WASF1: variants seen among roughly 807,000 people sequenced by gnomAD.
The protein encoded by WASF1 is actin-binding protein WASF1.
In WASF1, 7 loss-of-function variants were observed where a neutral mutation model predicts 50.5. The observed-to-expected ratio is 0.14, with a 90% CI of 0.08 to 0.26. The LOEUF (loss-of-function observed/expected upper bound fraction) is 0.26. Among genes scored for constraint, WASF1 ranks in the 10% least tolerant of loss-of-function variants. WASF1 has a pLI of 1.00. For synonymous variants in WASF1, 205 were observed against 244.0 expected, an observed-to-expected ratio of 0.84 and a Z score of 1.49; for missense variants, 470 against 694.7, an observed-to-expected ratio of 0.68 and a Z score of 3.64.
chr6:110,172,902 T>A (rs1203086383), intron 2 of WASF1, among the ~76,000 whole-genome samples: 2 of 152,150 alleles, frequency 1.3e-5, no homozygotes, highest in African/African-American at 2.4e-5. Context: ...ACTGTACGTG[T>A]ACCCTCTAAA....
At chr6:110,167,436 G>A (rs556041438) in intron 2 of WASF1, among the ~76,000 whole-genome samples, 61 of 151,922 alleles carry the variant, frequency 4.0e-4, no homozygotes, top group African/African-American at 1.5e-3. Flanking sequence ...AAGATGTGGA[G>A]GTAGAAGACA....
intron 3 of WASF1, among the ~76,000 whole-genome samples, chr6:110,143,872 T>A (rs893671434): frequency 1.3e-5 from 2 of 152,214 alleles, no homozygotes; most frequent in African/African-American, 4.8e-5. Context: ...TTGTTGGACA[T>A]TTGGGTTGGT....
intron 3 of WASF1, among the ~76,000 whole-genome samples, chr6:110,152,199 G>A (rs1004633636): frequency 3.3e-5 from 5 of 152,048 alleles, no homozygotes; most frequent in African/African-American, 7.2e-5. Flanking sequence ...AGCTGACAAC[G>A]GAGAAAGGAG....
intron 3 of WASF1, among the ~76,000 whole-genome samples, chr6:110,146,437 T>G (rs543399001): frequency 1.6e-4 from 24 of 152,024 alleles, no homozygotes. Context: ...CCCATGCCAA[T>G]GACAAAATAC....
chr6:110,136,711 T>A (rs1774984262), intron 3 of WASF1, among the ~76,000 whole-genome samples: 1 of 152,252 alleles, frequency 6.6e-6, no homozygotes, highest in Non-Finnish European at 1.5e-5. Flanking sequence ...GTTTTAAACA[T>A]GTCTCTTCAC....
At chr6:110,166,378 C>A (rs1263837470) in intron 2 of WASF1, among the ~76,000 whole-genome samples, 1 of 151,612 alleles carries the variant, frequency 6.6e-6, no homozygotes, top group African/African-American at 2.4e-5. Flanking sequence ...ATTTTCACAC[C>A]AAAGTACAGT....
intron 2 of WASF1, among the ~76,000 whole-genome samples, chr6:110,176,504 C>T (rs1440914806): frequency 6.6e-6 from 1 of 151,676 alleles, no homozygotes; most frequent in African/African-American, 2.4e-5. Context: ...TTCAAAGAAC[C>T]TTGAAATTCA....
chr6:110,167,516 T>G (rs1776529394), intron 2 of WASF1, among the ~76,000 whole-genome samples: 1 of 151,998 alleles, frequency 6.6e-6, no homozygotes, highest in South Asian at 2.1e-4. Flanking sequence ...CCTTTGCTAG[T>G]GCATCCTTTT....
chr6:110,139,533 T>C (rs1201962860), intron 3 of WASF1, among the ~76,000 whole-genome samples: 2 of 152,252 alleles, frequency 1.3e-5, no homozygotes, highest in African/African-American at 4.8e-5. Flanking sequence ...TGAATGGCTA[T>C]TCCCAGCTTT....
At chr6:110,178,414 C>T (rs1218642379) in intron 2 of WASF1, among the ~76,000 whole-genome samples, 184 bp downstream of exon 2, 2 of 152,032 alleles carry the variant, frequency 1.3e-5, no homozygotes, top group Non-Finnish European at 2.9e-5. Context: ...ACCTACCATG[C>T]AAATTTAAAT....
intron 9 of WASF1, 143 bp from the exon 10 acceptor site, chr6:110,102,359 A>C: frequency 1.2e-6 from 1 of 841,072 alleles, no homozygotes; most frequent in Non-Finnish European, 1.6e-6. Context: ...TAACATCTTC[A>C]ACAGTATTTA....
intron 3 of WASF1, among the ~76,000 whole-genome samples, chr6:110,145,505 G>C (rs1276320706): frequency 6.6e-6 from 1 of 152,160 alleles, no homozygotes; most frequent in African/African-American, 2.4e-5. Context: ...TGTTGAATAG[G>C]AGTAGTGAGA....
At chr6:110,136,322 C>T (rs774844655) in intron 3 of WASF1, among the ~76,000 whole-genome samples, 1 of 151,960 alleles carries the variant, frequency 6.6e-6, no homozygotes, top group Non-Finnish European at 1.5e-5. Flanking sequence ...CTTTATTGTC[C>T]AAAATAGTCA....
chr6:110,146,192 G>A (rs1422181435), intron 3 of WASF1, among the ~76,000 whole-genome samples: 1 of 151,758 alleles, frequency 6.6e-6, no homozygotes, highest in Non-Finnish European at 1.5e-5. Context: ...TCAAACTAAA[G>A]GATTACATTA....
rs756768189 is a variant in WASF1 at position 110,100,660 on chromosome 6, T to C, written c.1542A>G (p.Val514=). 5.0e-6 allele frequency: 8 copies of C among 1,612,640 alleles called. No individual in the cohort carries two copies. Among genetic ancestry groups the C allele is most frequent in the Admixed American group, 3.3e-5 (2 of 59,732 alleles). Reference sequence around the variant, plus strand: ...TAGCTTCCTGTTCACGCTGCTCTTCTACTTTGCGTAGCTGAATACCTGATA... The same window carrying C: ...TAGCTTCCTGTTCACGCTGCTCTTCCACTTTGCGTAGCTGAATACCTGATA... The part of the protein sequence containing the change: ...AIRKGIQLRK[V]EEQREQEAKH... The change falls in exon 11 of 11, where the codon GTA becomes GTG. Residue 514 remains valine, a synonymous_variant. Transcript: ENST00000392589.
chr6:110,104,235 A>G (rs1287315435), intron 8 of WASF1, among the ~76,000 whole-genome samples: 4 of 152,196 alleles, frequency 2.6e-5, no homozygotes, highest in Non-Finnish European at 5.9e-5. Context: ...AAAAAGTTGG[A>G]TTTAACAGAT....
At chr6:110,179,039 G>C (rs536061710) in intron 1 of WASF1, among the ~76,000 whole-genome samples, 3 of 152,252 alleles carry the variant, frequency 2.0e-5, no homozygotes, top group Non-Finnish European at 4.4e-5. Context: ...GCGCACGTAG[G>C]GCGAGCAGGG....
chr6:110,108,827 T>C (rs1315487868), intron 5 of WASF1, 146 bp from the exon 6 acceptor site: 1 of 682,388 alleles, frequency 1.5e-6, no homozygotes, highest in Non-Finnish European at 2.4e-6. Context: ...AACCATATTT[T>C]AAATGTTCTA....
intron 5 of WASF1, among the ~76,000 whole-genome samples, chr6:110,111,959 A>G (rs1004070032): frequency 6.6e-6 from 1 of 151,972 alleles, no homozygotes; most frequent in African/African-American, 2.4e-5. Flanking sequence ...TATCTTAATA[A>G]AGCTATTTTT....
Sources: allele counts gnomAD v4.1 joint callset (sites outside exome capture counted in the v4.1 genomes callset), GRCh38; gene constraint gnomAD v4.1.1; transcripts MANE v1.5; gene names NCBI Gene and HGNC (gene_info 2026-07-23, HGNC 2026-07-21).